MDFIC2: variants seen among roughly 807,000 people sequenced by gnomAD.
MDFIC2 encodes MyoD family inhibitor domain containing 2, also known as myoD family inhibitor domain-containing protein 2.
chr3:70,236,917 A>G (rs1294760214), intron 2 of MDFIC2, among the ~76,000 whole-genome samples: 1 of 152,164 alleles, frequency 6.6e-6, no homozygotes, highest in East Asian at 1.9e-4. Context: ...ATTTATGTAA[A>G]AAATATTTCT....
At chr3:70,211,490 TCCC>T (rs1701347159) in intron 2 of MDFIC2, among the ~76,000 whole-genome samples, 1 of 95,806 alleles carries the variant, frequency 1.0e-5, no homozygotes, top group Non-Finnish European at 2.4e-5. Context: ...TCCTTTCCCT[TCCC>T]TTCCCTTCCC....
chr3:70,250,654 T>A (rs1475379696), intron 2 of MDFIC2, among the ~76,000 whole-genome samples: 2 of 152,206 alleles, frequency 1.3e-5, no homozygotes, highest in Non-Finnish European at 2.9e-5. Context: ...TGTTTTTATT[T>A]CACAAAAATT....
At chr3:70,243,632 C>T (rs1701680588) in intron 2 of MDFIC2, among the ~76,000 whole-genome samples, 1 of 152,106 alleles carries the variant, frequency 6.6e-6, no homozygotes, top group Non-Finnish European at 1.5e-5. Context: ...TGGGTGGCAG[C>T]GTCCCTAGCC....
Position 70,296,331 on chromosome 3 carries a change from A to G in MDFIC2, c.88+15555T>C, listed in dbSNP as rs146792237. Among the ~76,000 whole-genome samples, 345 of 152,198 alleles carry G rather than the reference A, an allele frequency of 2.3e-3. 1 individual carries two copies. The highest frequency in any genetic ancestry group is 7.8e-3 in the African/African-American group (325 of 41,550). ...AGTTTATTGTCTTACTAAGTAAGAG[A>G]CTGAAACAGACTCTTAACATGATAC... On this transcript the variant is annotated intron_variant, in intron 2 of 3. Transcript: ENST00000567252.
chr3:70,303,515 A>G (rs1702369842), intron 2 of MDFIC2, among the ~76,000 whole-genome samples: 1 of 152,158 alleles, frequency 6.6e-6, no homozygotes. Context: ...TCCTGAACCT[A>G]GATTTCCCTT....
rs568262447 is a variant in MDFIC2 at position 70,247,878 on chromosome 3, G to A, written c.89-41088C>T. Among the ~76,000 whole-genome samples the A allele has an allele frequency of 2.6e-5, 4 of 152,020 alleles. No individual in the cohort carries two copies. In the South Asian group the frequency reaches 8.3e-4, roughly 31 times the overall value. On this transcript the variant is annotated intron_variant, in intron 2 of 3. Coordinates refer to ENST00000567252, the MANE Select transcript of MDFIC2 (RefSeq NM_001364677.1). Reference sequence around the variant, plus strand: ...ATGAAGCACTAAAATAATATCATAAGTTATTTTTTATAAGTTTCTGTTTTC... The same window carrying A: ...ATGAAGCACTAAAATAATATCATAAATTATTTTTTATAAGTTTCTGTTTTC...
At chr3:70,252,682 C>G (rs1038636306) in intron 2 of MDFIC2, among the ~76,000 whole-genome samples, 3 of 152,010 alleles carry the variant, frequency 2.0e-5, no homozygotes, top group African/African-American at 7.3e-5. Flanking sequence ...ACTGTATTGC[C>G]CTATGTTTAT....
intron 2 of MDFIC2, among the ~76,000 whole-genome samples, chr3:70,258,873 A>G: frequency 6.6e-6 from 1 of 152,248 alleles, no homozygotes; most frequent in South Asian, 2.1e-4. Flanking sequence ...TTTTTCTTTA[A>G]TTTTTTAAAT....
chr3:70,284,031 T>C (rs1702116094), intron 2 of MDFIC2, among the ~76,000 whole-genome samples: 1 of 152,130 alleles, frequency 6.6e-6, no homozygotes, highest in Admixed American at 6.6e-5. Flanking sequence ...GCAGAGGTAT[T>C]GGCTATTGGT....
intron 3 of MDFIC2, chr3:70,205,606 C>T (rs1265926241): frequency 6.6e-6 from 1 of 151,964 alleles, no homozygotes; most frequent in Non-Finnish European, 1.5e-5. Flanking sequence ...ATCATATAAT[C>T]AGAGACTAAA....
In MDFIC2 at chr3:70,290,769, G is replaced by A. The variant is rs1003808174; in HGVS notation, c.88+21117C>T. On this transcript the variant is annotated intron_variant, in intron 2 of 3. Coordinates refer to ENST00000567252, the MANE Select transcript of MDFIC2 (RefSeq NM_001364677.1). ...GCAGGTTATAATCTCGTGGTGCGCCGTTTTTTAAGCTTGTCGGAAAAGCGC... is the reference window on the plus strand; with the variant it reads ...GCAGGTTATAATCTCGTGGTGCGCCATTTTTTAAGCTTGTCGGAAAAGCGC... 1.5e-4 allele frequency among the ~76,000 whole-genome samples: 23 copies of A among 152,306 alleles called. 1 individual carries two copies. The highest frequency in any genetic ancestry group is 6.8e-3 in the Middle Eastern group (2 of 294).
intron 2 of MDFIC2, among the ~76,000 whole-genome samples, chr3:70,264,873 C>T (rs2106664938): frequency 6.6e-6 from 1 of 152,242 alleles, no homozygotes; most frequent in South Asian, 2.1e-4. Context: ...ATACCATAGA[C>T]TGGGTAATTT....
chr3:70,272,904 C>G (rs191404334), intron 2 of MDFIC2, among the ~76,000 whole-genome samples: 3 of 152,298 alleles, frequency 2.0e-5, no homozygotes, highest in Non-Finnish European at 4.4e-5. Context: ...TCTAAGGAGA[C>G]AGCTAGCAAC....
At chr3:70,224,831 C>T (rs561247728) in intron 2 of MDFIC2, among the ~76,000 whole-genome samples, 3 of 152,176 alleles carry the variant, frequency 2.0e-5, no homozygotes, top group African/African-American at 7.2e-5. Flanking sequence ...GTTTCCCCCC[C>T]CACACCTCAC....
chr3:70,243,473 C>T (rs1270750064), intron 2 of MDFIC2, among the ~76,000 whole-genome samples: 1 of 152,144 alleles, frequency 6.6e-6, no homozygotes, highest in Admixed American at 6.6e-5. Flanking sequence ...ACTCACTGCA[C>T]TGCTGCTGAA....
chr3:70,264,796 A>T (rs1039940872), intron 2 of MDFIC2, among the ~76,000 whole-genome samples: 6 of 152,316 alleles, frequency 3.9e-5, no homozygotes, highest in Non-Finnish European at 8.8e-5. Context: ...GAGCTATGGA[A>T]ACTCTTGGGT....
intron 2 of MDFIC2, among the ~76,000 whole-genome samples, chr3:70,290,680 G>A (rs1382840235): frequency 1.3e-5 from 2 of 152,152 alleles, no homozygotes; most frequent in East Asian, 3.9e-4. Flanking sequence ...CTTGCAGTTT[G>A]ATCTCAGACT....
At chr3:70,228,246 C>T (rs1701527083) in intron 2 of MDFIC2, among the ~76,000 whole-genome samples, 1 of 151,748 alleles carries the variant, frequency 6.6e-6, no homozygotes, top group Non-Finnish European at 1.5e-5. Flanking sequence ...GCAAGCATGC[C>T]AAGATGCTGA....
At chr3:70,310,160 T>C (rs1332958208) in intron 2 of MDFIC2, among the ~76,000 whole-genome samples, 2 of 151,986 alleles carry the variant, frequency 1.3e-5, no homozygotes, top group Non-Finnish European at 2.9e-5. Context: ...AAAAGACCTT[T>C]TCAAAAAAAG....
Sources: allele counts gnomAD v4.1 joint callset (sites outside exome capture counted in the v4.1 genomes callset), GRCh38; gene constraint gnomAD v4.1.1; transcripts MANE v1.5; gene names NCBI Gene and HGNC (gene_info 2026-07-23, HGNC 2026-07-21).